ALG1: variants seen among roughly 807,000 people sequenced by gnomAD.
ALG1 encodes the protein chitobiosyldiphosphodolichol beta-mannosyltransferase.
Under a neutral mutation model 55.1 loss-of-function variants are expected in ALG1, and 58 were observed. That is an observed-to-expected ratio of 1.05 (90% CI 0.85 to 1.31). The LOEUF (loss-of-function observed/expected upper bound fraction) is 1.31, where lower values mean the gene tolerates loss of function less well. ALG1 is among the 50% of genes most tolerant of loss of function. The pLI, the probability that ALG1 is intolerant of heterozygous loss-of-function variation, is 0.00. For missense variants in ALG1, 761 were observed against 598.6 expected, an observed-to-expected ratio of 1.27 and a Z score of -2.83; for synonymous variants, 309 against 247.0, an observed-to-expected ratio of 1.25 and a Z score of -2.35.
intron 3 of ALG1, among the ~76,000 whole-genome samples, chr16:5,074,031 A>G (rs776326129): frequency 1.1e-4 from 16 of 151,584 alleles, no homozygotes; most frequent in South Asian, 6.3e-4. Flanking sequence ...TATACTTTTA[A>G]TCCCTTCCCT....
chr16:5,072,160 C>T lies in ALG1; in HGVS notation c.208+103C>T, dbSNP rs1956828188. ...GGCGGAAGTGCTCCTTTAGTCGCCG[C>T]CTTTGGGCAGCTCTCCGAGATTAGA... On this transcript the variant is annotated intron_variant, in intron 1 of 12. Coordinates refer to ENST00000262374, the MANE Select transcript of ALG1 (RefSeq NM_019109.5). The T allele has an allele frequency of 7.8e-6, 12 of 1,539,980 alleles. No individual in the cohort carries two copies. In the Middle Eastern group the frequency reaches 1.3e-3, roughly 172 times the overall value.
chr16:5,072,799 C>A, intron 1 of ALG1, 152 bp from the exon 2 acceptor site: 1 of 806,528 alleles, frequency 1.2e-6, no homozygotes. Flanking sequence ...AAGAATTGGC[C>A]GCATTCTCTG....
In ALG1 at chr16:5,077,554, C is replaced by T. The variant is rs371416008; in HGVS notation, c.629+20C>T. ...CATCAGGTACCATGGCCTGGGATGA[C>T]GGCGGCCTGGGAGAGGCGCGGGGCC... is the stretch of plus-strand genomic sequence containing the variant. On this transcript the variant is annotated intron_variant, in intron 5 of 12. Transcript: ENST00000262374. The T allele has an allele frequency of 1.3e-4, 214 of 1,613,006 alleles. 1 individual carries two copies. Among genetic ancestry groups the T allele is most frequent in the Non-Finnish European group, 1.5e-4 (181 of 1,179,164 alleles).
At chr16:5,073,389 C>A in intron 3 of ALG1, 133 bp downstream of exon 3, 1 of 772,700 alleles carries the variant, frequency 1.3e-6, no homozygotes, top group Non-Finnish European at 2.2e-6. Flanking sequence ...TGAGTAGGAG[C>A]CTATGGTATG....
intron 10 of ALG1, 142 bp downstream of exon 10, chr16:5,081,198 T>G: frequency 1.8e-6 from 2 of 1,105,222 alleles, no homozygotes. Flanking sequence ...GGCTACTTCC[T>G]GGTGTGCCAG....
intron 9 of ALG1, among the ~76,000 whole-genome samples, 184 bp downstream of exon 9, chr16:5,079,991 T>C (rs564597471): frequency 1.3e-5 from 2 of 152,164 alleles, no homozygotes; most frequent in Non-Finnish European, 2.9e-5. Context: ...GGAGCCCAGA[T>C]TTGAATCTGT....
intron 4 of ALG1, among the ~76,000 whole-genome samples, chr16:5,077,200 T>G (rs895407815): frequency 6.6e-6 from 1 of 152,100 alleles, no homozygotes; most frequent in Non-Finnish European, 1.5e-5. Flanking sequence ...TGAGACGGAG[T>G]CTTGCTTTGT....
intron 10 of ALG1, among the ~76,000 whole-genome samples, chr16:5,081,662 G>A (rs1175763854): frequency 6.6e-6 from 1 of 152,122 alleles, no homozygotes; most frequent in Admixed American, 6.5e-5. Context: ...GGGTTCAAGC[G>A]ATTTTCCCAC....
intron 11 of ALG1, 123 bp from the exon 12 acceptor site, chr16:5,083,559 C>T: frequency 6.4e-7 from 1 of 1,558,026 alleles, no homozygotes; most frequent in South Asian, 1.1e-5. Context: ...CCGGAAACCA[C>T]ACCCCCTGTT....
intron 8 of ALG1, 144 bp from the exon 9 acceptor site, chr16:5,079,604 A>G: frequency 1.1e-6 from 1 of 942,096 alleles, no homozygotes; most frequent in South Asian, 1.4e-5. Context: ...CACGAGAATT[A>G]CTTGAACCCA....
chr16:5,080,894 C>T (rs1418658838), intron 9 of ALG1, 52 bp from the exon 10 acceptor site: 18 of 1,586,784 alleles, frequency 1.1e-5, no homozygotes, highest in Non-Finnish European at 1.3e-5. Flanking sequence ...CCTGGGGCCA[C>T]GTGGCAGGGA....
At chr16:5,083,431 T>A (rs1214265330) in intron 11 of ALG1, among the ~76,000 whole-genome samples, 1 of 152,138 alleles carries the variant, frequency 6.6e-6, no homozygotes, top group African/African-American at 2.4e-5. Context: ...TTGAAGAGCA[T>A]CCAGCACAGA....
In ALG1 at chr16:5,085,744, G is replaced by C. The variant is rs1567174803; in HGVS notation, c.*863G>C. The C allele has an allele frequency of 1.3e-6, 2 of 1,598,172 alleles. No homozygotes were observed. The highest frequency in any genetic ancestry group is 1.3e-5 in the African/African-American group (1 of 74,670). ...GATCCCGGCCCGGCCTGGAAACAGA[G>C]CACATGTGTTTGAGGATGGCGGTGT... On this transcript the variant is annotated 3_prime_UTR_variant, in exon 13 of 13. Transcript: ENST00000262374.
rs574156856 is a variant in ALG1, at chr16:5,080,807, C to G, written c.962-139C>G. 1.3e-5 allele frequency: 16 copies of G among 1,227,828 alleles called. No individual in the cohort carries two copies. In the East Asian group the frequency reaches 2.4e-4, roughly 18 times the overall value. 76.1% of individuals were successfully genotyped at this position (1,227,828 alleles called of 1,614,324 possible). A position where few individuals can be genotyped will look rare whatever the true frequency, so the allele number is the denominator to read the frequency against. On this transcript the variant is annotated intron_variant, in intron 9 of 12. Coordinates refer to ENST00000262374, the MANE Select transcript of ALG1 (RefSeq NM_019109.5). Reference sequence around the variant, plus strand: ...CTCCTGGGTTGCTTCTGGAAGGGCCCGGATGGGGCCTGACTGGAGCTGCTG... The same window carrying G: ...CTCCTGGGTTGCTTCTGGAAGGGCCGGGATGGGGCCTGACTGGAGCTGCTG...
Position 5,073,251 on chromosome 16 carries a change from C to A in ALG1, c.385C>A (p.Leu129Ile). 6.2e-7 allele frequency: 1 copy of A among 1,613,988 alleles called. No homozygotes were observed. Among genetic ancestry groups the A allele is most frequent in the Non-Finnish European group, 8.5e-7 (1 of 1,179,948 alleles). ...GAGGGAGCCAGGTGCCTATATCTTT[C>A]TCCAGGTGTGTATCAGCCTCTGCCT... ...MWREPGAYIF[L>I]QNPPGLPSIA... Residue 129 changes from leucine (L) to isoleucine (I), a missense_variant, in exon 3 of 13, where the codon CTC becomes ATC. Physicochemically the swap from Leu to Ile is conservative, Grantham distance 5 (BLOSUM62 2). Transcript: ENST00000262374.
intron 3 of ALG1, 47 bp downstream of exon 3, chr16:5,073,303 T>C: frequency 6.4e-7 from 1 of 1,561,352 alleles, no homozygotes; most frequent in Non-Finnish European, 8.8e-7. Flanking sequence ...TGTTAGCAGT[T>C]TACTTTCCAG....
At chr16:5,077,582 T>G (rs1596256278) in intron 5 of ALG1, 48 bp downstream of exon 5, 2 of 1,551,834 alleles carry the variant, frequency 1.3e-6, no homozygotes, top group South Asian at 1.1e-5. Context: ...GCGGGGCCCC[T>G]GATTGGCTGC....
chr16:5,075,514 C>T lies in ALG1; in HGVS notation c.517C>T (p.Pro173Ser), dbSNP rs764369196. 26 of 1,614,130 alleles carry T rather than the reference C, an allele frequency of 1.6e-5. No homozygotes were observed. The highest frequency in any genetic ancestry group is 3.3e-4 in the Middle Eastern group (2 of 6,062). The change falls in exon 4 of 13, where the codon CCC (proline) becomes TCC (serine). Residue 173 changes from proline to serine, a missense_variant. By Grantham distance (74) the Pro-to-Ser change is moderately conservative (BLOSUM62 -1). Transcript: ENST00000262374. The stretch of plus-strand genomic sequence containing the variant: ...GGGTCTGGTGCATGGCCCCAACCAT[C>T]CCCTCGTTCTGCTGGCCAAGTGGTG... ...IMGLVHGPNHPLVLLAKWYEK... is the reference protein window; with the variant it reads ...IMGLVHGPNHSLVLLAKWYEK...
intron 11 of ALG1, 60 bp from the exon 12 acceptor site, chr16:5,083,622 A>G: frequency 6.3e-7 from 1 of 1,599,000 alleles, no homozygotes. Flanking sequence ...CCAGGTGGGC[A>G]CCCCAGGGGT....
Sources: allele counts gnomAD v4.1 joint callset (sites outside exome capture counted in the v4.1 genomes callset), GRCh38; gene constraint gnomAD v4.1.1; transcripts MANE v1.5; gene names NCBI Gene and HGNC (gene_info 2026-07-23, HGNC 2026-07-21).